The following DNAJC13 variants were observed in gnomAD, a reference collection of about 807,000 sequenced individuals.
DNAJC13 encodes the protein DnaJ heat shock protein family (Hsp40) member C13.
A neutral mutation model predicts 290.5 loss-of-function variants in DNAJC13; 75 were observed. The observed-to-expected ratio is 0.26, with a 90% CI of 0.21 to 0.31. The LOEUF (loss-of-function observed/expected upper bound fraction) is 0.31, where lower values mean the gene tolerates loss of function less well. Among genes scored for constraint, DNAJC13 ranks in the 10% least tolerant of loss-of-function variants. The pLI, the probability that DNAJC13 is intolerant of heterozygous loss-of-function variation, is 1.00. For synonymous variants in DNAJC13, 862 were observed against 892.0 expected (o/e 0.97, Z 0.60); for missense variants, 2,260 against 2,674.5 (o/e 0.85, Z 3.42).
intron 26 of DNAJC13, among the ~76,000 whole-genome samples, chr3:132,481,263 T>A (rs962609809): frequency 1.3e-5 from 2 of 152,174 alleles, no homozygotes; most frequent in Non-Finnish European, 2.9e-5. Flanking sequence ...TTTAAAAACA[T>A]GTTATTTCAT....
In DNAJC13 at chr3:132,513,044, T is replaced by C; in HGVS notation, c.5330T>C (p.Ile1777Thr). ...ESECIGHFKL[I>T]FSLLRVHGAG... is the part of the protein sequence containing the mutation. Reference sequence around the variant, plus strand: ...GAATGCATTGGGCACTTTAAGTTGATATTTTCTCTTCTCCGAGTTCATGGA... The same window carrying C: ...GAATGCATTGGGCACTTTAAGTTGACATTTTCTCTTCTCCGAGTTCATGGA... The change falls in exon 45 of 56, where the codon ATA becomes ACA. Residue 1777 changes from isoleucine to threonine, a missense_variant. Ile to Thr is a moderately conservative substitution (Grantham distance 89, BLOSUM62 -1). This residue lies in a region of DNAJC13 where 1,494 missense variants were observed against 1,693.7 expected (regional missense o/e 0.88). Coordinates refer to ENST00000260818, the MANE Select transcript of DNAJC13 (RefSeq NM_015268.4). 1 of 1,613,374 alleles carries C rather than the reference T, an allele frequency of 6.2e-7. No individual in the cohort carries two copies. The highest frequency in any genetic ancestry group is 8.5e-7 in the Non-Finnish European group (1 of 1,179,436).
At chr3:132,521,622 G>A (rs7652625) in intron 48 of DNAJC13, among the ~76,000 whole-genome samples, 1 of 152,012 alleles carries the variant, frequency 6.6e-6, no homozygotes, top group Admixed American at 6.6e-5. Flanking sequence ...GCTACTAGGG[G>A]CAGATATACC....
chr3:132,499,713 A>C (rs1201897039), intron 37 of DNAJC13, 21 bp from the exon 38 acceptor site: 32 of 1,612,488 alleles, frequency 2.0e-5, no homozygotes, highest in Admixed American at 5.0e-5. Flanking sequence ...GAGAGTTAAT[A>C]GCTGACTTCT....
At chr3:132,505,251 G>A (rs773267158) in intron 41 of DNAJC13, 51 bp from the exon 42 acceptor site, 4 of 1,177,710 alleles carry the variant, frequency 3.4e-6, no homozygotes, top group Non-Finnish European at 5.0e-6. Flanking sequence ...AAGTGATAAT[G>A]TCAATAAGTT....
chr3:132,433,754 CTTTA>C (rs1214988497), intron 1 of DNAJC13, among the ~76,000 whole-genome samples: 3 of 152,156 alleles, frequency 2.0e-5, no homozygotes, highest in South Asian at 2.1e-4. Context: ...AGATTTAAAG[CTTTA>C]TTTATTTGAC....
rs185489960 is a variant in DNAJC13, at chr3:132,529,691, G to A, written c.6526-1307G>A. On this transcript the variant is annotated intron_variant, in intron 54 of 55. Transcript: ENST00000260818. ...AGTCCCATCTACTCGGGAGGCTGAGGCAGGAGAATGGCGGGAACCCAGGAG... is the reference window on the plus strand; with the variant it reads ...AGTCCCATCTACTCGGGAGGCTGAGACAGGAGAATGGCGGGAACCCAGGAG... Among the ~76,000 whole-genome samples the A allele has an allele frequency of 9.9e-4, 151 of 151,862 alleles. 1 individual carries two copies. The highest frequency in any genetic ancestry group is 1.6e-3 in the Non-Finnish European group (108 of 67,978).
chr3:132,526,025 T>C, intron 52 of DNAJC13, 116 bp from the exon 53 acceptor site: 1 of 1,398,638 alleles, frequency 7.1e-7, no homozygotes, highest in Non-Finnish European at 9.5e-7. Flanking sequence ...TTCAATTCAT[T>C]GTTAAACTGA....
intron 42 of DNAJC13, 36 bp downstream of exon 42, chr3:132,505,451 A>G: frequency 7.5e-7 from 1 of 1,338,726 alleles, no homozygotes; most frequent in Non-Finnish European, 1.1e-6. Flanking sequence ...TGGGTAATTT[A>G]TTCTGATGGA....
At chr3:132,507,543 C>T (rs1253149407) in intron 43 of DNAJC13, among the ~76,000 whole-genome samples, 190 bp downstream of exon 43, 4 of 151,800 alleles carry the variant, frequency 2.6e-5, no homozygotes, top group South Asian at 2.1e-4. Context: ...CACCATTTTT[C>T]CAATAGCATG....
chr3:132,463,553 T>TG, intron 16 of DNAJC13, 143 bp from the exon 17 acceptor site: 1 of 849,374 alleles, frequency 1.2e-6, no homozygotes. Context: ...TATTTTTTTT[T>TG]GGGTGATTAG....
chr3:132,479,142 C>T (rs1174640408), intron 24 of DNAJC13, 85 bp from the exon 25 acceptor site: 4 of 719,700 alleles, frequency 5.6e-6, no homozygotes, highest in East Asian at 2.8e-5. Flanking sequence ...TTCTTATGGG[C>T]TGTTGGTTTA....
intron 53 of DNAJC13, 69 bp downstream of exon 53, chr3:132,526,350 G>A (rs1276213047): frequency 1.3e-6 from 2 of 1,584,444 alleles, no homozygotes; most frequent in Admixed American, 1.7e-5. Context: ...TTACCTATTT[G>A]GTACTGATTT....
At chr3:132,444,817 C>T (rs1342079980) in intron 2 of DNAJC13, among the ~76,000 whole-genome samples, 2 of 152,134 alleles carry the variant, frequency 1.3e-5, no homozygotes, top group East Asian at 3.9e-4. Flanking sequence ...CACCAGTCCC[C>T]TAACCCTCAC....
At position 132,531,870 on chromosome 3, in the gene DNAJC13, C is replaced by A. The variant is rs141754629; in HGVS notation, c.6625+773C>A. Among the ~76,000 whole-genome samples the A allele has an allele frequency of 6.3e-3, 963 of 151,826 alleles. 8 individuals carry two copies. Among genetic ancestry groups the A allele is most frequent in the African/African-American group, 0.022 (908 of 41,384 alleles). On this transcript the variant is annotated intron_variant, in intron 55 of 55. Coordinates refer to ENST00000260818, the MANE Select transcript of DNAJC13 (RefSeq NM_015268.4). ...GTTTTGCTAAATATTTAGGGTGTGTCGTTTTATGGGGGTGGAATACATAGG... is the reference window on the plus strand; with the variant it reads ...GTTTTGCTAAATATTTAGGGTGTGTAGTTTTATGGGGGTGGAATACATAGG...
intron 55 of DNAJC13, among the ~76,000 whole-genome samples, chr3:132,531,425 C>T (rs575802416): frequency 2.8e-4 from 43 of 152,230 alleles, no homozygotes; most frequent in African/African-American, 1.0e-3. Context: ...TGAGGAATAT[C>T]AGTGTCAGAA....
intron 54 of DNAJC13, among the ~76,000 whole-genome samples, chr3:132,528,657 A>G (rs952103266): frequency 6.6e-6 from 1 of 152,204 alleles, no homozygotes; most frequent in East Asian, 1.9e-4. Flanking sequence ...GGAGTTATTC[A>G]TGGGTAGTGA....
At position 132,505,379 on chromosome 3, in the gene DNAJC13, A is replaced by C. The variant is rs776335834; in HGVS notation, c.4962A>C (p.Glu1654Asp). ...WNNSTRAELL[E>D]FLESQQENMI... ...ATTCTACAAGAGCAGAATTACTTGA[A>C]TTTCTTGAATCCCAACAAGAAAACA... is the stretch of plus-strand genomic sequence containing the variant. The change falls in exon 42 of 56, where the codon GAA becomes GAC. Residue 1654 changes from glutamate (E) to aspartate (D), a missense_variant. Transcript: ENST00000260818. 6.2e-7 allele frequency: 1 copy of C among 1,608,372 alleles called. No homozygotes were observed. The highest frequency in any genetic ancestry group is 1.7e-5 in the Admixed American group (1 of 59,280).
rs375303993 is a variant in DNAJC13, at chr3:132,477,908, T to G, written c.2549+16T>G. 5.6e-6 allele frequency: 9 copies of G among 1,606,476 alleles called. No individual in the cohort carries two copies. In the African/African-American group the frequency reaches 8.1e-5, roughly 14 times the overall value. ...TTAAGAGATCGTGAGCTACTCTGTATATCCTGTCGCATTTGTTTTCACTGT... is the reference window on the plus strand; with the variant it reads ...TTAAGAGATCGTGAGCTACTCTGTAGATCCTGTCGCATTTGTTTTCACTGT... On this transcript the variant is annotated intron_variant, in intron 23 of 55. Coordinates refer to ENST00000260818, the MANE Select transcript of DNAJC13 (RefSeq NM_015268.4).
intron 34 of DNAJC13, 37 bp from the exon 35 acceptor site, chr3:132,495,051 C>G (rs758438830): frequency 1.4e-6 from 2 of 1,439,270 alleles, no homozygotes; most frequent in African/African-American, 2.8e-5. Context: ...TTTCTTGTGC[C>G]TTACTATACT....
Sources: allele counts gnomAD v4.1 joint callset (sites outside exome capture counted in the v4.1 genomes callset), GRCh38; gene constraint gnomAD v4.1.1; regional missense constraint gnomAD v4.1.1; transcripts MANE v1.5; gene names NCBI Gene and HGNC (gene_info 2026-07-23, HGNC 2026-07-21).